The following CADPS variants were observed in gnomAD, a reference collection of about 807,000 sequenced individuals.
The protein encoded by CADPS is calcium dependent secretion activator, also known as calcium-dependent secretion activator 1.
A neutral mutation model predicts 167.3 loss-of-function variants in CADPS; 57 were observed. That is an observed-to-expected ratio of 0.34 (90% CI 0.28 to 0.42). The LOEUF (loss-of-function observed/expected upper bound fraction) is 0.42, where lower values mean the gene tolerates loss of function less well. Among genes scored for constraint, CADPS ranks in the 20% least tolerant of loss-of-function variants. The pLI, the probability that CADPS is intolerant of heterozygous loss-of-function variation, is 1.00. For missense variants in CADPS, 1,414 were observed against 1,738.1 expected (o/e 0.81, Z 3.32); for synonymous variants, 676 against 635.3 (o/e 1.06, Z -0.96).
chr3:62,743,603 G>C (rs1411564189), intron 3 of CADPS, among the ~76,000 whole-genome samples: 1 of 152,146 alleles, frequency 6.6e-6, no homozygotes, highest in Non-Finnish European at 1.5e-5. Flanking sequence ...TCACACAAAA[G>C]CATGACAAGA....
At chr3:62,464,506 G>T (rs950921471) in intron 26 of CADPS, among the ~76,000 whole-genome samples, 2 of 152,188 alleles carry the variant, frequency 1.3e-5, no homozygotes, top group Non-Finnish European at 2.9e-5. Flanking sequence ...TGCAGCTGTG[G>T]TGTCTGCCTA....
intron 27 of CADPS, among the ~76,000 whole-genome samples, chr3:62,445,204 G>A (rs1171588460): frequency 6.6e-6 from 1 of 152,152 alleles, no homozygotes; most frequent in Non-Finnish European, 1.5e-5. Context: ...CTTCATTAAT[G>A]AGGCCTGCAC....
intron 10 of CADPS, among the ~76,000 whole-genome samples, chr3:62,556,359 G>A (rs2078145084): frequency 6.6e-6 from 1 of 152,198 alleles, no homozygotes; most frequent in Non-Finnish European, 1.5e-5. Flanking sequence ...TTGAGATTCT[G>A]CAGGTGCTAA....
chr3:62,732,787 A>G (rs2078178703), intron 3 of CADPS, among the ~76,000 whole-genome samples: 2 of 152,296 alleles, frequency 1.3e-5, no homozygotes, highest in South Asian at 4.1e-4. Context: ...TGTGGTTGTA[A>G]TGTCTTATGG....
chr3:62,698,217 A>G (rs2080704375), intron 3 of CADPS, among the ~76,000 whole-genome samples: 1 of 152,176 alleles, frequency 6.6e-6, no homozygotes, highest in African/African-American at 2.4e-5. Context: ...TGCCTCATGC[A>G]ATAAATGCTC....
chr3:62,666,186 C>T, intron 3 of CADPS, among the ~76,000 whole-genome samples: 1 of 152,136 alleles, frequency 6.6e-6, no homozygotes, highest in South Asian at 2.1e-4. Context: ...AGTCCCCTTG[C>T]TCTGTTAGAC....
At chr3:62,823,176 G>A (rs2073339844) in intron 1 of CADPS, among the ~76,000 whole-genome samples, 1 of 152,176 alleles carries the variant, frequency 6.6e-6, no homozygotes, top group Admixed American at 6.5e-5. Flanking sequence ...GTGTGTTGTG[G>A]CAGCACTAAC....
chr3:62,818,433 A>T lies in CADPS; in HGVS notation c.442-52449T>A, dbSNP rs577923882. On this transcript the variant is annotated intron_variant, in intron 1 of 29. Transcript: ENST00000383710. ...AGGTGCACGAGTGGCTAATAAGCAC[A>T]TGAAAAAGTGCTCCACATCAATAGG... 2.0e-3 allele frequency among the ~76,000 whole-genome samples: 310 copies of T among 152,330 alleles called. 1 individual carries two copies. Among genetic ancestry groups the T allele is most frequent in the Non-Finnish European group, 2.5e-3 (170 of 68,032 alleles).
chr3:62,855,333 G>C (rs1379248447), intron 1 of CADPS, among the ~76,000 whole-genome samples: 6 of 151,732 alleles, frequency 4.0e-5, no homozygotes, highest in African/African-American at 1.5e-4. Context: ...AGACATCCTT[G>C]ATTTTCACTA....
At position 62,399,602 on chromosome 3, in the gene CADPS, T is replaced by C. The variant is rs773596617; in HGVS notation, c.3883-17A>G. The stretch of plus-strand genomic sequence containing the variant: ...GTAGGTTTTCTAAGGAAGGAAAAGA[T>C]ACAGTGATAAGAGAGATCTCATCTC... On this transcript the variant is annotated splice_polypyrimidine_tract_variant and intron_variant, in intron 29 of 29. Transcript: ENST00000383710. This position sits in a 1 kb window ranked among gnomAD's most constrained non-coding sequence, Gnocchi z 5.6. 2 of 1,607,068 alleles carry C rather than the reference T, an allele frequency of 1.2e-6. No homozygotes were observed. Among genetic ancestry groups the C allele is most frequent in the Non-Finnish European group, 1.7e-6 (2 of 1,174,656 alleles).
intron 6 of CADPS, among the ~76,000 whole-genome samples, chr3:62,595,209 C>T (rs565174732): frequency 9.2e-5 from 14 of 152,034 alleles, no homozygotes; most frequent in Non-Finnish European, 1.6e-4. Flanking sequence ...ACTGAGAAAG[C>T]ACAACAGTCA....
In CADPS at chr3:62,417,276, C is replaced by CTTTTTTTTTTTTTTTTTTTTTTTTTTTT. The variant is rs11353455; in HGVS notation, c.3778-14119_3778-14092dup. 1.4e-4 allele frequency among the ~76,000 whole-genome samples: 9 copies of CTTTTTTTTTTTTTTTTTTTTTTTTTTTT among 64,044 alleles called. 4 individuals are homozygous for CTTTTTTTTTTTTTTTTTTTTTTTTTTTT. Among genetic ancestry groups the CTTTTTTTTTTTTTTTTTTTTTTTTTTTT allele is most frequent in the Non-Finnish European group, 8.9e-5 (3 of 33,620 alleles). The allele number at this position is 64,044 out of a possible 152,430, so 42.0% of individuals were successfully genotyped here. On this transcript the variant is annotated intron_variant, in intron 28 of 29. Coordinates refer to ENST00000383710, the MANE Select transcript of CADPS (RefSeq NM_003716.4). ...ACACAATAACTATTTTTCTTTTACT[C>CTTTTTTTTTTTTTTTTTTTTTTTTTTTT]TTTTTTTTTTTTTTTTTTTTTTTTT...
intron 28 of CADPS, among the ~76,000 whole-genome samples, chr3:62,425,364 CA>C (rs2052421397): frequency 6.6e-6 from 1 of 152,092 alleles, no homozygotes; most frequent in Admixed American, 6.5e-5. Context: ...CAGACATTTC[CA>C]AATGTGCTGT....
chr3:62,462,523 G>A (rs1051296817), intron 26 of CADPS, among the ~76,000 whole-genome samples: 1 of 152,226 alleles, frequency 6.6e-6, no homozygotes, highest in Admixed American at 6.5e-5. Context: ...CATATTTGTC[G>A]ATACTCGTCA....
At chr3:62,610,895 G>A (rs944095303) in intron 6 of CADPS, among the ~76,000 whole-genome samples, 18 of 151,190 alleles carry the variant, frequency 1.2e-4, no homozygotes, top group African/African-American at 3.6e-4. Flanking sequence ...GGGTGTGGGG[G>A]GCTGATTTTG....
At chr3:62,626,969 G>T (rs955960844) in intron 6 of CADPS, among the ~76,000 whole-genome samples, 29 of 152,054 alleles carry the variant, frequency 1.9e-4, no homozygotes, top group Admixed American at 9.8e-4. Flanking sequence ...AAAAGGGAGG[G>T]TGTCTTACAA....
At chr3:62,418,535 T>C (rs1254722211) in intron 28 of CADPS, among the ~76,000 whole-genome samples, 1 of 149,342 alleles carries the variant, frequency 6.7e-6, no homozygotes, top group Non-Finnish European at 1.5e-5. Flanking sequence ...GAGATGGGAT[T>C]TCGCCATATT....
chr3:62,689,879 C>A (rs948159001), intron 3 of CADPS, among the ~76,000 whole-genome samples: 1 of 151,916 alleles, frequency 6.6e-6, no homozygotes, highest in African/African-American at 2.4e-5. Flanking sequence ...GGGGGGGCGG[C>A]GTTCTAGCAG....
At chr3:62,626,558 G>C in intron 6 of CADPS, 1 of 702,676 alleles carries the variant, frequency 1.4e-6, no homozygotes, top group South Asian at 1.5e-5. Context: ...GTTCTCTTCT[G>C]TTTCTCCTGA....
Sources: gnomAD v4.1 joint callset for allele counts (sites outside exome capture counted in the v4.1 genomes callset) on GRCh38, gnomAD v4.1.1 for gene constraint, Gnocchi (gnomAD v3.1) non-coding constraint, MANE v1.5 for transcripts, NCBI Gene and HGNC (gene_info 2026-07-23, HGNC 2026-07-21) for gene names.